NOL4: variants seen among roughly 807,000 people sequenced by gnomAD.
The protein encoded by NOL4 is cancer/testis antigen 125.
NOL4 carries 17 observed loss-of-function variants against 75.9 expected under a neutral mutation model. That is an observed-to-expected ratio of 0.22 (90% CI 0.15 to 0.34). The LOEUF (loss-of-function observed/expected upper bound fraction) is 0.34. Ranked by LOEUF, NOL4 falls within the 10% of genes least tolerant of loss-of-function variation. The pLI, the probability that NOL4 is intolerant of heterozygous loss-of-function variation, is 1.00. For synonymous variants in NOL4, 292 were observed against 289.9 expected, an observed-to-expected ratio of 1.01 and a Z score of -0.07; for missense variants, 614 against 793.5, an observed-to-expected ratio of 0.77 and a Z score of 2.72.
In NOL4 at chr18:34,224,559, C is replaced by G. The variant is rs374221887; in HGVS notation, c.-1306G>C. The G allele has an allele frequency of 1.3e-5, 2 of 152,336 alleles. No homozygotes were observed. The highest frequency in any genetic ancestry group is 1.9e-4 in the East Asian group (1 of 5,184). The allele number at this position is 152,336 out of a possible 1,614,324, so 9.4% of individuals were successfully genotyped here. On this transcript the variant is annotated 5_prime_UTR_variant, in exon 1 of 11. Transcript: ENST00000261592. ...CGCTCCTCTTTATTCTACTCTCACC[C>G]GAGGCCCGCGCCCGTCCCGGGGAGC...
chr18:34,071,131 T>G (rs889904126), intron 5 of NOL4, among the ~76,000 whole-genome samples: 4 of 152,124 alleles, frequency 2.6e-5, no homozygotes, highest in Admixed American at 2.6e-4. Flanking sequence ...GATAGATGTT[T>G]TAGGTGGTGG....
chr18:34,002,340 T>C (rs527781003), intron 6 of NOL4, among the ~76,000 whole-genome samples: 1 of 152,218 alleles, frequency 6.6e-6, no homozygotes, highest in Admixed American at 6.5e-5. Flanking sequence ...TAGGCTTGTC[T>C]CCAAGTTTTG....
At chr18:33,878,078 A>G (rs2144600610) in intron 10 of NOL4, among the ~76,000 whole-genome samples, 1 of 152,198 alleles carries the variant, frequency 6.6e-6, no homozygotes, top group East Asian at 1.9e-4. Flanking sequence ...AAGGTTTTAG[A>G]TGGTGAAGTG....
intron 4 of NOL4, among the ~76,000 whole-genome samples, chr18:34,094,441 C>T (rs2078674897): frequency 6.6e-6 from 1 of 152,024 alleles, no homozygotes; most frequent in African/African-American, 2.4e-5. Flanking sequence ...GTGCATGAAA[C>T]ATTTACTAAA....
At chr18:34,181,954 G>A (rs1423994410) in intron 1 of NOL4, among the ~76,000 whole-genome samples, 3 of 151,554 alleles carry the variant, frequency 2.0e-5, no homozygotes, top group African/African-American at 7.2e-5. Flanking sequence ...TCATAACGTT[G>A]CTCTGGGGAT....
chr18:34,084,134 A>G (rs2078137239), intron 5 of NOL4, among the ~76,000 whole-genome samples: 1 of 152,162 alleles, frequency 6.6e-6, no homozygotes, highest in Non-Finnish European at 1.5e-5. Context: ...GAGGTCTCAC[A>G]CAGTCATGAG....
chr18:34,159,279 C>T (rs2031039149), intron 1 of NOL4, among the ~76,000 whole-genome samples: 1 of 152,216 alleles, frequency 6.6e-6, no homozygotes, highest in Non-Finnish European at 1.5e-5. Flanking sequence ...CGCGACCCTC[C>T]GCCTCAGACA....
chr18:34,080,674 C>T (rs1240751189), intron 5 of NOL4, among the ~76,000 whole-genome samples: 1 of 152,162 alleles, frequency 6.6e-6, no homozygotes, highest in Non-Finnish European at 1.5e-5. Flanking sequence ...TCTTGCTACA[C>T]TGCCCAGGCT....
intron 6 of NOL4, among the ~76,000 whole-genome samples, chr18:34,001,188 G>A (rs1189320545): frequency 6.6e-6 from 1 of 152,028 alleles, no homozygotes; most frequent in African/African-American, 2.4e-5. Flanking sequence ...ATCATTTTTA[G>A]TATAGTAGGG....
intron 5 of NOL4, among the ~76,000 whole-genome samples, chr18:34,028,260 C>T (rs565248119): frequency 6.6e-6 from 1 of 152,250 alleles, no homozygotes; most frequent in East Asian, 1.9e-4. Flanking sequence ...TTTGAAAATC[C>T]TTGTTTCTTT....
rs2062629372 is a variant in NOL4, at chr18:33,851,353, T to C, written c.*1489A>G. On this transcript the variant is annotated 3_prime_UTR_variant, in exon 11 of 11. Coordinates refer to ENST00000261592, the MANE Select transcript of NOL4 (RefSeq NM_003787.5). ...TAAGGAACAGTAATTCTAGAAACAC[T>C]AGAAGAAAAAAGCATAGCAATGTCC... 1 of 152,278 alleles carries C rather than the reference T, an allele frequency of 6.6e-6. No homozygotes were observed. The highest frequency in any genetic ancestry group is 1.5e-5 in the Non-Finnish European group (1 of 67,956). 9.4% of individuals were successfully genotyped at this position (152,278 alleles called of 1,614,324 possible).
intron 10 of NOL4, among the ~76,000 whole-genome samples, chr18:33,862,416 A>G (rs1381173490): frequency 6.6e-6 from 1 of 152,250 alleles, no homozygotes; most frequent in South Asian, 2.1e-4. Context: ...CAAAATTGAC[A>G]AATGGGATCT....
At chr18:34,016,959 T>C (rs1222202112) in intron 6 of NOL4, among the ~76,000 whole-genome samples, 1 of 152,094 alleles carries the variant, frequency 6.6e-6, no homozygotes, top group Non-Finnish European at 1.5e-5. Context: ...CTCAATGCCA[T>C]GAGGAAGTGA....
chr18:34,156,501 T>C (rs941688980), intron 1 of NOL4: 2 of 152,052 alleles, frequency 1.3e-5, no homozygotes, highest in East Asian at 1.9e-4. Flanking sequence ...GTTCTAAAAG[T>C]ATAAGAACCA....
At position 33,851,135 on chromosome 18, in the gene NOL4, C is replaced by A. The variant is rs999570342; in HGVS notation, c.*1707G>T. On this transcript the variant is annotated 3_prime_UTR_variant, in exon 11 of 11. Transcript: ENST00000261592. ...ACAGAAATCTGTTTATTAAACCAAA[C>A]AAAACAGAGAAAATTATACCAGCCC... 4 of 152,310 alleles carry A rather than the reference C, an allele frequency of 2.6e-5. No homozygotes were observed. The highest frequency in any genetic ancestry group is 9.7e-5 in the African/African-American group (4 of 41,416). 9.4% of individuals were successfully genotyped at this position (152,310 alleles called of 1,614,324 possible).
At chr18:34,196,548 T>C (rs1017141426) in intron 1 of NOL4, among the ~76,000 whole-genome samples, 4 of 152,142 alleles carry the variant, frequency 2.6e-5, no homozygotes, top group Non-Finnish European at 4.4e-5. Flanking sequence ...TGAATTTTGA[T>C]TAGATGTTCA....
At chr18:33,991,223 A>G (rs1477940160) in intron 6 of NOL4, among the ~76,000 whole-genome samples, 1 of 152,004 alleles carries the variant, frequency 6.6e-6, no homozygotes, top group Non-Finnish European at 1.5e-5. Context: ...GTCTGACTCT[A>G]CCACCCATTG....
At chr18:33,994,172 T>C (rs1490004837) in intron 6 of NOL4, among the ~76,000 whole-genome samples, 1 of 151,744 alleles carries the variant, frequency 6.6e-6, no homozygotes, top group Non-Finnish European at 1.5e-5. Flanking sequence ...CAATGAAAGA[T>C]GACTAGACAA....
intron 8 of NOL4, 65 bp downstream of exon 8, chr18:33,957,261 T>C (rs1476498356): frequency 6.2e-5 from 79 of 1,264,272 alleles, no homozygotes; most frequent in Admixed American, 5.1e-5. Context: ...GGAAAAAAAA[T>C]AGTGTCATGG....
Sources: allele counts gnomAD v4.1 joint callset (sites outside exome capture counted in the v4.1 genomes callset), GRCh38; gene constraint gnomAD v4.1.1; transcripts MANE v1.5; gene names NCBI Gene and HGNC (gene_info 2026-07-23, HGNC 2026-07-21).